Variants in ZNF782 observed in about 807,000 individuals in gnomAD.
The protein encoded by ZNF782 is zinc finger protein 782.
A neutral mutation model predicts 13.0 loss-of-function variants in ZNF782; 12 were observed. That is an observed-to-expected ratio of 0.92 (90% CI 0.59 to 1.50). The LOEUF (loss-of-function observed/expected upper bound fraction) is 1.50, where lower values mean the gene tolerates loss of function less well. ZNF782 is among the 40% of genes most tolerant of loss of function. The pLI, the probability that ZNF782 is intolerant of heterozygous loss-of-function variation, is 0.00. For synonymous variants in ZNF782, 284 were observed against 283.0 expected (o/e 1.00, Z -0.04); for missense variants, 770 against 822.9 (o/e 0.94, Z 0.79).
Position 96,841,951 on chromosome 9 carries a change from A to T in ZNF782, c.142+2939T>A, listed in dbSNP as rs115865080. 6.7e-3 allele frequency among the ~76,000 whole-genome samples: 1,015 copies of T among 152,114 alleles called. 7 individuals are homozygous for T. Among genetic ancestry groups the T allele is most frequent in the African/African-American group, 0.023 (965 of 41,568 alleles). ...CATATATGACATGATAGCTTATGTT[A>T]AAAAATGCCAAGGAATCTACAAAAA... On this transcript the variant is annotated intron_variant, in intron 4 of 5. Coordinates refer to ENST00000481138, the MANE Select transcript of ZNF782 (RefSeq NM_001001662.3).
chr9:96,879,037 T>C (rs574575204), upstream of ZNF782, among the ~76,000 whole-genome samples: 2 of 152,374 alleles, frequency 1.3e-5, no homozygotes, highest in South Asian at 2.1e-4. Context: ...TTACTATTCA[T>C]GTTTTAATGG....
intron 4 of ZNF782, among the ~76,000 whole-genome samples, chr9:96,828,592 G>A (rs776369587): frequency 1.3e-5 from 2 of 152,162 alleles, no homozygotes; most frequent in South Asian, 2.1e-4. Context: ...TTTTTTGGGA[G>A]GGTGGGGCAG....
At chr9:96,931,004 C>CCTGTCT in the ZNF782 span, among the ~76,000 whole-genome samples, 4 of 146,480 alleles carry the variant, frequency 2.7e-5, no homozygotes, top group Non-Finnish European at 6.0e-5. Flanking sequence ...AAGCAATTCT[C>CCTGTCT]CTGTCTCAGC....
At chr9:96,933,161 G>A in the ZNF782 span, among the ~76,000 whole-genome samples, 629 of 147,442 alleles carry the variant, frequency 4.3e-3, 2 homozygotes, top group Middle Eastern at 7.2e-3. Context: ...TGTATTTTTA[G>A]TAGAGACGGG....
intron 1 of ZNF782, among the ~76,000 whole-genome samples, chr9:96,865,410 T>C (rs1393297809): frequency 6.6e-6 from 1 of 152,352 alleles, no homozygotes; most frequent in African/African-American, 2.4e-5. Flanking sequence ...CTACACAAGC[T>C]CGTCTGTTTG....
the ZNF782 span, among the ~76,000 whole-genome samples, chr9:96,920,060 A>C: frequency 6.6e-6 from 1 of 150,956 alleles, no homozygotes; most frequent in Non-Finnish European, 1.5e-5. Context: ...CTGAAAGTTC[A>C]GTATACTAGA....
intron 4 of ZNF782, among the ~76,000 whole-genome samples, chr9:96,841,247 T>C (rs975076361): frequency 2.0e-5 from 3 of 151,952 alleles, no homozygotes; most frequent in African/African-American, 7.2e-5. Context: ...AATAAATTGA[T>C]TTGTAAAACT....
At chr9:96,878,335 C>T (rs529759259), upstream of ZNF782, among the ~76,000 whole-genome samples, 1 of 152,228 alleles carries the variant, frequency 6.6e-6, no homozygotes, top group Admixed American at 6.5e-5. Flanking sequence ...CAGGCGTGAG[C>T]CACCGCGTCC....
the ZNF782 span, among the ~76,000 whole-genome samples, chr9:96,903,464 C>T: frequency 6.6e-6 from 1 of 150,654 alleles, no homozygotes; most frequent in South Asian, 2.1e-4. Flanking sequence ...TCAGTGTTTC[C>T]AGTTTGGGGG....
chr9:96,926,649 C>CT, the ZNF782 span, among the ~76,000 whole-genome samples: 1 of 151,854 alleles, frequency 6.6e-6, no homozygotes, highest in Non-Finnish European at 1.5e-5. Flanking sequence ...ACCGAGAACT[C>CT]ATGAGGATAT....
intron 4 of ZNF782, among the ~76,000 whole-genome samples, chr9:96,837,914 C>A (rs1236537977): frequency 6.6e-6 from 1 of 152,118 alleles, no homozygotes; most frequent in Non-Finnish European, 1.5e-5. Flanking sequence ...TTTGTAGAGA[C>A]AGAATCTCCC....
Position 96,819,534 on chromosome 9 carries a change from A to G in ZNF782, c.489T>C (p.His163=). ...GCCATTTGTCACAAACATTACGCTCATGAGCCTTTTCTTTTGAATACTGAC... is the reference window on the plus strand; with the variant it reads ...GCCATTTGTCACAAACATTACGCTCGTGAGCCTTTTCTTTTGAATACTGAC... ...PHCQYSKEKA[H]ERNVCDKWLI... is the part of the protein sequence containing the mutation. The change falls in exon 6 of 6, where the codon CAT becomes CAC. Residue 163 remains histidine, a synonymous_variant. Coordinates refer to ENST00000481138, the MANE Select transcript of ZNF782 (RefSeq NM_001001662.3). The G allele has an allele frequency of 1.2e-6, 2 of 1,612,804 alleles. No homozygotes were observed. The highest frequency in any genetic ancestry group is 1.7e-5 in the Admixed American group (1 of 59,750).
chr9:96,924,962 C>T, the ZNF782 span, among the ~76,000 whole-genome samples: 1 of 152,226 alleles, frequency 6.6e-6, no homozygotes, highest in African/African-American at 2.4e-5. Context: ...AGGATGGGGT[C>T]GCCCCGCAGA....
At chr9:96,897,056 G>A in the ZNF782 span, among the ~76,000 whole-genome samples, 5 of 152,148 alleles carry the variant, frequency 3.3e-5, no homozygotes, top group Admixed American at 1.3e-4. Context: ...AAAGTTAGGC[G>A]TGCAGAACAG....
At chr9:96,898,379 C>G in the ZNF782 span, among the ~76,000 whole-genome samples, 1 of 147,830 alleles carries the variant, frequency 6.8e-6, no homozygotes, top group Non-Finnish European at 1.5e-5. Flanking sequence ...TTGGACGTTC[C>G]ATATAATTGG....
At chr9:96,882,378 T>C in the ZNF782 span, among the ~76,000 whole-genome samples, 1 of 152,188 alleles carries the variant, frequency 6.6e-6, no homozygotes, top group African/African-American at 2.4e-5. Context: ...TATTTCCTTT[T>C]GCATATTTCA....
chr9:96,847,827 C>G (rs1372292934), intron 3 of ZNF782, among the ~76,000 whole-genome samples: 1 of 152,104 alleles, frequency 6.6e-6, no homozygotes, highest in African/African-American at 2.4e-5. Context: ...TTCTATGAAG[C>G]CAGTATCACC....
In ZNF782 at chr9:96,819,296, A is replaced by G. The variant is rs1850318340; in HGVS notation, c.727T>C (p.Tyr243His). ...TTTTCCCCAAATTTATTGAAATTGT[A>G]AGATTTTCCTTTTGGGTGGGTACTG... ...SNSTHPKGKSYNFNKFGENKY... is the reference protein window; with the variant it reads ...SNSTHPKGKSHNFNKFGENKY... The change falls in exon 6 of 6, where the codon TAC becomes CAC. Residue 243 changes from tyrosine (Y) to histidine (H), a missense_variant. By Grantham distance (83) the Tyr-to-His change is moderately conservative. Coordinates refer to ENST00000481138, the MANE Select transcript of ZNF782 (RefSeq NM_001001662.3). 6.2e-7 allele frequency: 1 copy of G among 1,612,816 alleles called. No individual in the cohort carries two copies. The highest frequency in any genetic ancestry group is 1.7e-5 in the Admixed American group (1 of 59,788).
At chr9:96,885,475 C>T in the ZNF782 span, among the ~76,000 whole-genome samples, 1 of 151,948 alleles carries the variant, frequency 6.6e-6, no homozygotes, top group Non-Finnish European at 1.5e-5. Flanking sequence ...GAAAAGAGAA[C>T]AATTACAGCA....
Sources: gnomAD v4.1 joint callset for allele counts (sites outside exome capture counted in the v4.1 genomes callset) on GRCh38, gnomAD v4.1.1 for gene constraint, MANE v1.5 for transcripts, NCBI Gene and HGNC (gene_info 2026-07-23, HGNC 2026-07-21) for gene names.